ACTR5: variants seen among roughly 807,000 people sequenced by gnomAD.
ACTR5 encodes the protein actin related protein 5.
In ACTR5, 43 loss-of-function variants were observed where a neutral mutation model predicts 61.2. The observed-to-expected ratio is 0.70, with a 90% CI of 0.55 to 0.91. The LOEUF (loss-of-function observed/expected upper bound fraction) is 0.91. ACTR5 is among the 40% of genes least tolerant of loss of function. ACTR5 has a pLI of 0.00. For missense variants in ACTR5, 798 were observed against 782.2 expected, an observed-to-expected ratio of 1.02 and a Z score of -0.24; for synonymous variants, 333 against 310.5, an observed-to-expected ratio of 1.07 and a Z score of -0.76.
chr20:38,761,342 C>T (rs1364243912), intron 5 of ACTR5, among the ~76,000 whole-genome samples: 1 of 152,130 alleles, frequency 6.6e-6, no homozygotes, highest in East Asian at 1.9e-4. Flanking sequence ...AGAAAAATTC[C>T]TGGAGAATGC....
chr20:38,769,093 A>G (rs1432290358), intron 8 of ACTR5, among the ~76,000 whole-genome samples: 1 of 151,798 alleles, frequency 6.6e-6, no homozygotes, highest in Non-Finnish European at 1.5e-5. Flanking sequence ...TCCCCCTTCC[A>G]CCCGCTCGTC....
intron 3 of ACTR5, among the ~76,000 whole-genome samples, 178 bp downstream of exon 3, chr20:38,752,478 A>G (rs1433507935): frequency 6.6e-6 from 1 of 152,228 alleles, no homozygotes; most frequent in Admixed American, 6.5e-5. Context: ...TTCCCTTCAC[A>G]AATGGTAGCT....
intron 5 of ACTR5, among the ~76,000 whole-genome samples, chr20:38,762,963 G>C (rs1259298920): frequency 6.6e-6 from 1 of 152,212 alleles, no homozygotes; most frequent in Non-Finnish European, 1.5e-5. Context: ...ACCAAATTGA[G>C]TGTGTGTTTA....
intron 8 of ACTR5, among the ~76,000 whole-genome samples, chr20:38,770,524 A>AT (rs528418510): frequency 6.6e-6 from 1 of 152,024 alleles, no homozygotes; most frequent in South Asian, 2.1e-4. Context: ...TATTATGACA[A>AT]TTTTTTTATA....
chr20:38,749,888 C>T, intron 1 of ACTR5, 122 bp from the exon 2 acceptor site: 1 of 713,062 alleles, frequency 1.4e-6, no homozygotes, highest in Non-Finnish European at 2.3e-6. Context: ...CGCCTCTGAT[C>T]AGGTTTTTGA....
At chr20:38,759,713 G>T (rs1382041268) in intron 5 of ACTR5, among the ~76,000 whole-genome samples, 1 of 152,138 alleles carries the variant, frequency 6.6e-6, no homozygotes, top group Non-Finnish European at 1.5e-5. Flanking sequence ...AGGTGATTAA[G>T]ATACAATGCC....
chr20:38,755,262 G>C (rs756347740), intron 4 of ACTR5, 88 bp downstream of exon 4: 1 of 1,389,604 alleles, frequency 7.2e-7, no homozygotes, highest in Non-Finnish European at 9.6e-7. Flanking sequence ...TTGGCCTTAA[G>C]ATGCTTTGAC....
Position 38,748,695 on chromosome 20 carries a change from C to T in ACTR5, c.217C>T (p.Arg73Trp). 1.3e-6 allele frequency: 2 copies of T among 1,520,108 alleles called. No homozygotes were observed. Among genetic ancestry groups the T allele is most frequent in the Non-Finnish European group, 1.8e-6 (2 of 1,135,536 alleles). 94.2% of individuals were successfully genotyped at this position (1,520,108 alleles called of 1,614,324 possible). Residue 73 changes from arginine to tryptophan, a missense_variant, in exon 1 of 9, where the codon CGG becomes TGG. Transcript: ENST00000243903. ...AVCARGRGGA[R>W]GASGPQVGNA... is the part of the protein sequence containing the mutation. ...GTGCGCCCGCGGTCGTGGCGGGGCA[C>T]GGGGCGCGTCGGGCCCGCAGGTGGG...
chr20:38,753,284 G>A (rs1041514280), intron 3 of ACTR5, among the ~76,000 whole-genome samples: 3 of 152,114 alleles, frequency 2.0e-5, no homozygotes, highest in African/African-American at 7.2e-5. Flanking sequence ...TTTTTGGGAT[G>A]ATGAACTCTT....
Position 38,752,200 on chromosome 20 carries a change from C to G in ACTR5, c.675C>G (p.Leu225=). 9 of 1,614,116 alleles carry G rather than the reference C, an allele frequency of 5.6e-6. No individual in the cohort carries two copies. The highest frequency in any genetic ancestry group is 6.8e-6 in the Non-Finnish European group (8 of 1,179,992). ...AAGCAGCTGGTTACCTCCAGCGTCT[C>G]CTCCAGCTGAAGTACCCTGGGCACC... The part of the protein sequence containing the change: ...GSQAAGYLQR[L]LQLKYPGHLA... Residue 225 remains leucine (L), a synonymous_variant, in exon 3 of 9, where the codon CTC becomes CTG. Transcript: ENST00000243903.
intron 5 of ACTR5, among the ~76,000 whole-genome samples, chr20:38,759,496 T>G (rs1247722723): frequency 2.0e-5 from 3 of 152,238 alleles, no homozygotes; most frequent in Non-Finnish European, 4.4e-5. Flanking sequence ...AAATGTCCTT[T>G]TTATAATTTT....
intron 3 of ACTR5, among the ~76,000 whole-genome samples, chr20:38,752,840 A>G (rs1408078510): frequency 6.6e-6 from 1 of 152,244 alleles, no homozygotes; most frequent in Non-Finnish European, 1.5e-5. Context: ...CTCTATTCCA[A>G]GAATGGATTT....
chr20:38,751,092 A>G (rs536453806), intron 2 of ACTR5, among the ~76,000 whole-genome samples: 10 of 152,244 alleles, frequency 6.6e-5, no homozygotes, highest in Non-Finnish European at 1.3e-4. Flanking sequence ...TAACTGTCTG[A>G]TAAGAGCCTA....
chr20:38,755,072 G>A lies in ACTR5; in HGVS notation c.891G>A (p.Arg297=), dbSNP rs1185521114. 4 of 1,614,136 alleles carry A rather than the reference G, an allele frequency of 2.5e-6. No individual in the cohort carries two copies. Among genetic ancestry groups the A allele is most frequent in the Non-Finnish European group, 3.4e-6 (4 of 1,180,058 alleles). The stretch of plus-strand genomic sequence containing the variant: ...TGACCTCTGAGGAGAAACAAGAAAG[G>A]CGGCAGCAGCAATTGCGGCGGCTGC... ...STLTSEEKQE[R]RQQQLRRLQE... The change falls in exon 4 of 9, where the codon AGG becomes AGA. Residue 297 remains arginine, a synonymous_variant. Coordinates refer to ENST00000243903, the MANE Select transcript of ACTR5 (RefSeq NM_024855.4).
chr20:38,771,463 T>A, intron 8 of ACTR5, 96 bp from the exon 9 acceptor site: 3 of 1,518,414 alleles, frequency 2.0e-6, no homozygotes, highest in Non-Finnish European at 2.7e-6. Flanking sequence ...ATGTGTATAT[T>A]TCTGGGGATA....
At chr20:38,754,737 C>A (rs192844562) in intron 3 of ACTR5, among the ~76,000 whole-genome samples, 533 of 151,896 alleles carry the variant, frequency 3.5e-3, no homozygotes, top group African/African-American at 0.011. Context: ...CACAGGTGCC[C>A]GCCACCACGC....
chr20:38,761,393 A>T (rs191824237), intron 5 of ACTR5: 1 of 152,384 alleles, frequency 6.6e-6, no homozygotes, highest in East Asian at 1.9e-4. Flanking sequence ...AGCCAGGACG[A>T]AGATTGAGCA....
At position 38,748,733 on chromosome 20, in the gene ACTR5, C is replaced by A. The variant is rs1424708384; in HGVS notation, c.255C>A (p.Gly85=). 1 of 1,574,270 alleles carries A rather than the reference C, an allele frequency of 6.4e-7. No homozygotes were observed. The highest frequency in any genetic ancestry group is 8.6e-7 in the Non-Finnish European group (1 of 1,162,586). ...ASGPQVGNAL[G]SLEPLRWMLR... ...GCCCGCAGGTGGGGAACGCTCTGGG[C>A]AGCCTGGAGCCACTGCGCTGGATGC... Residue 85 remains glycine (G), a synonymous_variant, in exon 1 of 9, where the codon GGC becomes GGA. Transcript: ENST00000243903.
Position 38,748,516 on chromosome 20 carries a change from C to G in ACTR5, c.38C>G (p.Ala13Gly). Reference protein sequence around the residue: ...ANVFPFRDARAAPDPVLEAGP... With the variant: ...ANVFPFRDARGAPDPVLEAGP... ...GTGTTCCCGTTCCGCGACGCCCGTG[C>G]CGCACCGGACCCAGTGCTGGAGGCC... Residue 13 changes from alanine to glycine, a missense_variant, in exon 1 of 9, where the codon GCC (alanine) becomes GGC (glycine). Transcript: ENST00000243903. 2.0e-6 allele frequency: 3 copies of G among 1,499,900 alleles called. No homozygotes were observed. The highest frequency in any genetic ancestry group is 2.7e-6 in the Non-Finnish European group (3 of 1,130,434). The allele number at this position is 1,499,900 out of a possible 1,614,324, so 92.9% of individuals were successfully genotyped here.
Sources: gnomAD v4.1 joint callset for allele counts (sites outside exome capture counted in the v4.1 genomes callset) on GRCh38, gnomAD v4.1.1 for gene constraint, MANE v1.5 for transcripts, NCBI Gene and HGNC (gene_info 2026-07-23, HGNC 2026-07-21) for gene names.